TNFRSF21: variants seen among roughly 807,000 people sequenced by gnomAD.
TNFRSF21 encodes the protein tumor necrosis factor receptor superfamily member 21.
Under a neutral mutation model 45.6 loss-of-function variants are expected in TNFRSF21, and 19 were observed. That is an observed-to-expected ratio of 0.42 (90% CI 0.29 to 0.61). The LOEUF (loss-of-function observed/expected upper bound fraction) is 0.61, where lower values mean the gene tolerates loss of function less well. Among genes scored for constraint, TNFRSF21 ranks in the 20% least tolerant of loss-of-function variants. The probability of loss-of-function intolerance (pLI) is 0.23; values close to 1 mark genes in which losing one functional copy is unlikely to be tolerated. For missense variants in TNFRSF21, 737 were observed against 851.5 expected (o/e 0.87, Z 1.67); for synonymous variants, 314 against 335.5 (o/e 0.94, Z 0.70).
At chr6:47,242,657 G>A (rs542404403) in intron 4 of TNFRSF21, among the ~76,000 whole-genome samples, 7 of 152,324 alleles carry the variant, frequency 4.6e-5, no homozygotes, top group Admixed American at 3.9e-4. Context: ...CTACCGGCAC[G>A]GGTGTCTGCA....
At chr6:47,283,503 C>T (rs1762597912) in intron 3 of TNFRSF21, among the ~76,000 whole-genome samples, 1 of 152,206 alleles carries the variant, frequency 6.6e-6, no homozygotes, top group African/African-American at 2.4e-5. Flanking sequence ...GTTTTGTCCC[C>T]TTCATTTGCT....
chr6:47,237,263 C>G (rs1228846397), intron 4 of TNFRSF21, among the ~76,000 whole-genome samples: 2 of 152,062 alleles, frequency 1.3e-5, no homozygotes, highest in African/African-American at 4.8e-5. Flanking sequence ...TTGACTTCAT[C>G]TAAAGTTGTT....
At chr6:47,264,452 T>C (rs1355610339) in intron 3 of TNFRSF21, among the ~76,000 whole-genome samples, 1 of 151,470 alleles carries the variant, frequency 6.6e-6, no homozygotes, top group East Asian at 1.9e-4. Context: ...GAGGCAGAGG[T>C]TGCAGTGAGC....
At chr6:47,243,375 G>A (rs1185572305) in intron 4 of TNFRSF21, among the ~76,000 whole-genome samples, 1 of 152,040 alleles carries the variant, frequency 6.6e-6, no homozygotes, top group African/African-American at 2.4e-5. Context: ...CTGTGTGTGT[G>A]TGTATATATA....
intron 3 of TNFRSF21, among the ~76,000 whole-genome samples, chr6:47,268,276 C>A (rs1582334974): frequency 6.6e-6 from 1 of 152,196 alleles, no homozygotes; most frequent in African/African-American, 2.4e-5. Flanking sequence ...AGAAAATATA[C>A]ATAAATTCCA....
intron 3 of TNFRSF21, among the ~76,000 whole-genome samples, chr6:47,267,604 C>T (rs1028419843): frequency 1.3e-5 from 2 of 152,182 alleles, no homozygotes; most frequent in African/African-American, 2.4e-5. Context: ...TCCATGAATG[C>T]TCCAGTATGG....
intron 2 of TNFRSF21, 29 bp downstream of exon 2, chr6:47,285,915 C>T: frequency 6.2e-7 from 1 of 1,605,060 alleles, no homozygotes; most frequent in Non-Finnish European, 8.5e-7. Context: ...AAGCCTTCCT[C>T]AAATAAATAA....
chr6:47,288,080 A>G (rs1184318257), intron 1 of TNFRSF21, among the ~76,000 whole-genome samples: 1 of 152,274 alleles, frequency 6.6e-6, no homozygotes, highest in South Asian at 2.1e-4. Context: ...ATGTGTATAT[A>G]TGTGCACCAG....
Position 47,232,715 on chromosome 6 carries a change from C to A in TNFRSF21, c.*50G>T, listed in dbSNP as rs777931963. Reference sequence around the variant, plus strand: ...TCAGAAACAGAAGAAAATTAAAAAACCACCCTGCCACTAAATTGAGTAATT... The same window carrying A: ...TCAGAAACAGAAGAAAATTAAAAAAACACCCTGCCACTAAATTGAGTAATT... On this transcript the variant is annotated 3_prime_UTR_variant, in exon 6 of 6. Transcript: ENST00000296861. The A allele has an allele frequency of 1.7e-5, 26 of 1,564,886 alleles. No homozygotes were observed. The highest frequency in any genetic ancestry group is 2.3e-5 in the East Asian group (1 of 44,414).
chr6:47,255,009 G>A (rs1764959842), intron 3 of TNFRSF21, among the ~76,000 whole-genome samples: 1 of 152,168 alleles, frequency 6.6e-6, no homozygotes, highest in Admixed American at 6.5e-5. Context: ...ACTATGAAAT[G>A]TGACAGTATC....
At chr6:47,247,018 T>C (rs977039332) in intron 4 of TNFRSF21, among the ~76,000 whole-genome samples, 3 of 152,234 alleles carry the variant, frequency 2.0e-5, no homozygotes, top group African/African-American at 2.4e-5. Flanking sequence ...TTGAAAGGCA[T>C]TGACCACTTT....
chr6:47,266,778 A>C (rs1471548662), intron 3 of TNFRSF21, among the ~76,000 whole-genome samples: 2 of 152,244 alleles, frequency 1.3e-5, no homozygotes, highest in African/African-American at 4.8e-5. Context: ...AGATGAAAAG[A>C]GACATTATAA....
At chr6:47,249,719 A>G (rs1017267122) in intron 4 of TNFRSF21, among the ~76,000 whole-genome samples, 1 of 152,246 alleles carries the variant, frequency 6.6e-6, no homozygotes, top group African/African-American at 2.4e-5. Flanking sequence ...GTATAAGAGG[A>G]GGATAAATAG....
chr6:47,308,640 G>A (rs1456003664), intron 1 of TNFRSF21, among the ~76,000 whole-genome samples: 1 of 152,258 alleles, frequency 6.6e-6, no homozygotes, highest in African/African-American at 2.4e-5. Flanking sequence ...CTAGCCACAG[G>A]TAAACGAGGG....
At chr6:47,246,074 C>T (rs1388290811) in intron 4 of TNFRSF21, among the ~76,000 whole-genome samples, 3 of 152,168 alleles carry the variant, frequency 2.0e-5, no homozygotes, top group African/African-American at 7.2e-5. Flanking sequence ...TACAATTCAA[C>T]ATGAGGTTTG....
rs1406921051 is a variant in TNFRSF21 at position 47,284,172 on chromosome 6, T to C, written c.1009A>G (p.Arg337Gly). 2.5e-6 allele frequency: 4 copies of C among 1,614,226 alleles called. No individual in the cohort carries two copies. The highest frequency in any genetic ancestry group is 3.4e-6 in the Non-Finnish European group (4 of 1,180,044). Residue 337 changes from arginine (R) to glycine (G), a missense_variant, in exon 3 of 6, where the codon AGA (arginine) becomes GGA (glycine). Coordinates refer to ENST00000296861, the MANE Select transcript of TNFRSF21 (RefSeq NM_014452.5). ...PIKGPKRGHP[R>G]QNLHKHFDIN... ...TCAAAATGCTTGTGTAGGTTCTGTC[T>C]AGGATGTCCCCTCTTGGGGCCCTTG...
intron 4 of TNFRSF21, among the ~76,000 whole-genome samples, chr6:47,236,965 G>A (rs942569439): frequency 6.6e-6 from 1 of 152,000 alleles, no homozygotes; most frequent in Non-Finnish European, 1.5e-5. Context: ...TTGAAAACTT[G>A]AAATGTTTAA....
At position 47,286,444 on chromosome 6, in the gene TNFRSF21, G is replaced by A. The variant is rs1052062404; in HGVS notation, c.248C>T (p.Thr83Ile). ...GTYVSEHCTN[T>I]SLRVCSSCPV... Reference sequence around the variant, plus strand: ...GCAACTGCTGCAGACGCGCAGGCTTGTGTTGGTACAATGCTCAGAGACATA... The same window carrying A: ...GCAACTGCTGCAGACGCGCAGGCTTATGTTGGTACAATGCTCAGAGACATA... Residue 83 changes from threonine to isoleucine, a missense_variant, in exon 2 of 6, where the codon ACA becomes ATA. Transcript: ENST00000296861. The A allele has an allele frequency of 6.2e-7, 1 of 1,614,268 alleles. No individual in the cohort carries two copies. Among genetic ancestry groups the A allele is most frequent in the Non-Finnish European group, 8.5e-7 (1 of 1,180,054 alleles).
intron 3 of TNFRSF21, among the ~76,000 whole-genome samples, chr6:47,270,481 G>A (rs979863454): frequency 6.6e-6 from 1 of 152,112 alleles, no homozygotes; most frequent in African/African-American, 2.4e-5. Context: ...AAACAAAAAG[G>A]TCATCTACAC....
Sources: gnomAD v4.1 joint callset for allele counts (sites outside exome capture counted in the v4.1 genomes callset) on GRCh38, gnomAD v4.1.1 for gene constraint, MANE v1.5 for transcripts, NCBI Gene and HGNC (gene_info 2026-07-23, HGNC 2026-07-21) for gene names.